Variants in OPCML observed in about 807,000 individuals in gnomAD.
OPCML encodes opioid-binding protein/cell adhesion molecule.
OPCML carries 13 observed loss-of-function variants against 37.8 expected under a neutral mutation model. The ratio of observed to expected loss-of-function variants is 0.34; its 90% CI spans 0.22 to 0.55. The LOEUF (loss-of-function observed/expected upper bound fraction) is 0.55. Among genes scored for constraint, OPCML ranks in the 20% least tolerant of loss-of-function variants. The pLI is 0.91. For synonymous variants in OPCML, 176 were observed against 168.8 expected, an observed-to-expected ratio of 1.04 and a Z score of -0.33; for missense variants, 341 against 435.6, an observed-to-expected ratio of 0.78 and a Z score of 1.93.
intron 1 of OPCML, chr11:133,423,469 T>A: frequency 1.0e-6 from 1 of 985,426 alleles, no homozygotes; most frequent in South Asian, 4.7e-5. Flanking sequence ...CTCTGCACTC[T>A]GTTAGGCTCC....
rs1591650816 is a variant in OPCML, at chr11:132,818,672, T to TA, written c.146+124253_146+124254insT. Among the ~76,000 whole-genome samples the TA allele has an allele frequency of 1.8e-3, 33 of 18,008 alleles. No homozygotes were observed. In the East Asian group the frequency reaches 0.029, roughly 16 times the overall value. 11.8% of individuals were successfully genotyped at this position (18,008 alleles called of 152,430 possible). On this transcript the variant is annotated intron_variant, in intron 2 of 7. Coordinates refer to ENST00000524381, the MANE Select transcript of OPCML (RefSeq NM_001012393.5). ...TATATATATATATAGACAGATTATA[T>TA]TATATATAAAATCATATTGTTTCTG...
At chr11:133,031,237 G>A (rs943697145) in intron 1 of OPCML, among the ~76,000 whole-genome samples, 3 of 152,212 alleles carry the variant, frequency 2.0e-5, no homozygotes, top group African/African-American at 7.2e-5. Context: ...ATTGATGGGT[G>A]GATAGATGGG....
chr11:133,511,565 A>G (rs544396126), intron 1 of OPCML, among the ~76,000 whole-genome samples: 204 of 152,200 alleles, frequency 1.3e-3, no homozygotes, highest in African/African-American at 4.6e-3. Context: ...TTCTGCCTGG[A>G]ATGCCCTTTC....
chr11:133,150,089 G>A (rs931813190), intron 1 of OPCML, among the ~76,000 whole-genome samples: 1 of 152,256 alleles, frequency 6.6e-6, no homozygotes, highest in Non-Finnish European at 1.5e-5. Context: ...GGCCACAGCA[G>A]TTTTCTTTTG....
chr11:132,505,450 G>C (rs577901849), intron 4 of OPCML, among the ~76,000 whole-genome samples: 44 of 152,192 alleles, frequency 2.9e-4, no homozygotes, highest in African/African-American at 1.0e-3. Context: ...TAAAATTGTA[G>C]ACAGCCACCT....
rs559854887 is a variant in OPCML, at chr11:133,308,964, G to A, written c.61+223300C>T. 2.0e-5 allele frequency among the ~76,000 whole-genome samples: 3 copies of A among 152,190 alleles called. 1 individual carries two copies. Among genetic ancestry groups the A allele is most frequent in the East Asian group, 1.9e-4 (1 of 5,174 alleles). ...TCCATGAGTTCACATTGATATAAAC[G>A]AATAAGTGAACACTTAAATAAATGG... On this transcript the variant is annotated intron_variant, in intron 1 of 7. Coordinates refer to ENST00000524381, the MANE Select transcript of OPCML (RefSeq NM_001012393.5).
intron 3 of OPCML, among the ~76,000 whole-genome samples, chr11:132,565,618 A>G (rs2096420851): frequency 6.6e-6 from 1 of 152,238 alleles, no homozygotes. Context: ...TGCGACTGAC[A>G]GTTCTCAATG....
chr11:132,513,901 T>A (rs2096274219), intron 4 of OPCML, among the ~76,000 whole-genome samples: 1 of 152,244 alleles, frequency 6.6e-6, no homozygotes, highest in Non-Finnish European at 1.5e-5. Context: ...GAGAAAACTA[T>A]AATTTTATTT....
At chr11:133,041,379 A>G (rs1173194144) in intron 1 of OPCML, among the ~76,000 whole-genome samples, 1 of 152,194 alleles carries the variant, frequency 6.6e-6, no homozygotes, top group African/African-American at 2.4e-5. Context: ...GTGACACCTT[A>G]TGGCTGGGAG....
Position 133,211,515 on chromosome 11 carries a change from A to G in OPCML, c.62-268505T>C, listed in dbSNP as rs1939357826. 6.6e-6 allele frequency among the ~76,000 whole-genome samples: 1 copy of G among 151,620 alleles called. No homozygotes were observed. Among genetic ancestry groups the G allele is most frequent in the Non-Finnish European group, 1.5e-5 (1 of 68,044 alleles). The stretch of plus-strand genomic sequence containing the variant: ...CCCTCCTCAGACACTGTTGCATATA[A>G]GTCAGAGGAGGGGCTTTGAAAACTT... On this transcript the variant is annotated intron_variant, in intron 1 of 7. Coordinates refer to ENST00000524381, the MANE Select transcript of OPCML (RefSeq NM_001012393.5). The surrounding 1 kb of genome is among the most constrained non-coding windows in gnomAD (Gnocchi z 4.1).
intron 3 of OPCML, among the ~76,000 whole-genome samples, chr11:132,629,164 G>T (rs916699594): frequency 9.2e-5 from 14 of 152,058 alleles, no homozygotes; most frequent in East Asian, 1.9e-4. Context: ...CCAACCTGGT[G>T]CTTCCCTGCT....
intron 1 of OPCML, among the ~76,000 whole-genome samples, chr11:133,448,711 C>T (rs945203503): frequency 2.0e-5 from 3 of 152,198 alleles, no homozygotes; most frequent in Non-Finnish European, 2.9e-5. Context: ...CCCGCCTCAG[C>T]GTCCCGAAGT....
In OPCML at chr11:133,349,769, G is replaced by A. The variant is rs117055167; in HGVS notation, c.61+182495C>T. Among the ~76,000 whole-genome samples the A allele has an allele frequency of 6.2e-3, 938 of 152,224 alleles. 2 individuals carry two copies. The highest frequency in any genetic ancestry group is 0.014 in the Middle Eastern group (4 of 294). On this transcript the variant is annotated intron_variant, in intron 1 of 7. Transcript: ENST00000524381. ...ACAGCTGTGCTTTCAGATCCCAGACGGAAATAGTGGGACATGCTAAACCAT... is the reference window on the plus strand; with the variant it reads ...ACAGCTGTGCTTTCAGATCCCAGACAGAAATAGTGGGACATGCTAAACCAT...
At chr11:133,127,745 A>G (rs180876672) in intron 1 of OPCML, among the ~76,000 whole-genome samples, 204 of 152,242 alleles carry the variant, frequency 1.3e-3, no homozygotes, top group African/African-American at 4.9e-3. Context: ...TGTCATCACA[A>G]TTTATCATCT....
At position 132,418,826 on chromosome 11, in the gene OPCML, T is replaced by C. The variant is rs573063870; in HGVS notation, c.*1367A>G. 1 of 152,764 alleles carries C rather than the reference T, an allele frequency of 6.5e-6. No homozygotes were observed. Among genetic ancestry groups the C allele is most frequent in the Non-Finnish European group, 1.5e-5 (1 of 68,034 alleles). 9.5% of individuals were successfully genotyped at this position (152,764 alleles called of 1,614,324 possible). Reference sequence around the variant, plus strand: ...AAGCCAGCCATAGGTTCCTGACATGTACTTTCTTGAAGGGTTGAGAGAAGC... The same window carrying C: ...AAGCCAGCCATAGGTTCCTGACATGCACTTTCTTGAAGGGTTGAGAGAAGC... On this transcript the variant is annotated 3_prime_UTR_variant, in exon 8 of 8. Transcript: ENST00000524381.
chr11:132,935,489 C>CA (rs1183867527), intron 2 of OPCML, among the ~76,000 whole-genome samples: 4 of 152,122 alleles, frequency 2.6e-5, no homozygotes, highest in Non-Finnish European at 5.9e-5. Flanking sequence ...GATGATTATG[C>CA]AGTGGAAACT....
At chr11:132,869,786 G>A (rs976650083) in intron 2 of OPCML, among the ~76,000 whole-genome samples, 10 of 152,142 alleles carry the variant, frequency 6.6e-5, no homozygotes, top group Non-Finnish European at 1.3e-4. Context: ...GGGCCTCAGT[G>A]CATATGGGCA....
intron 1 of OPCML, among the ~76,000 whole-genome samples, chr11:133,249,428 C>A (rs1186785876): frequency 1.3e-5 from 2 of 152,160 alleles, no homozygotes; most frequent in South Asian, 2.1e-4. Context: ...CCCCATGACC[C>A]AAATGCCTCC....
chr11:133,349,795 C>T (rs879519224), intron 1 of OPCML, among the ~76,000 whole-genome samples: 5 of 151,748 alleles, frequency 3.3e-5, no homozygotes, highest in Non-Finnish European at 7.4e-5. Context: ...GCTAAACCAT[C>T]AGAAAAAAAA....
Sources: gnomAD v4.1 joint callset for allele counts (sites outside exome capture counted in the v4.1 genomes callset) on GRCh38, gnomAD v4.1.1 for gene constraint, Gnocchi (gnomAD v3.1) non-coding constraint, MANE v1.5 for transcripts, NCBI Gene and HGNC (gene_info 2026-07-23, HGNC 2026-07-21) for gene names.